MVB12B: variants seen among roughly 807,000 people sequenced by gnomAD.
MVB12B encodes the protein multivesicular body subunit 12B.
Under a neutral mutation model 41.6 loss-of-function variants are expected in MVB12B, and 16 were observed. That is an observed-to-expected ratio of 0.38 (90% CI 0.26 to 0.58). The LOEUF is 0.58. Among genes scored for constraint, MVB12B ranks in the 20% least tolerant of loss-of-function variants. MVB12B has a pLI of 0.62. For missense variants in MVB12B, 274 were observed against 380.2 expected (o/e 0.72, Z 2.32); for synonymous variants, 133 against 139.7 (o/e 0.95, Z 0.34).
intron 7 of MVB12B, among the ~76,000 whole-genome samples, chr9:126,446,073 A>C (rs1832758883): frequency 6.6e-6 from 1 of 152,164 alleles, no homozygotes; most frequent in Non-Finnish European, 1.5e-5. Flanking sequence ...AGTCTGATAT[A>C]GATTTGGGGG....
intron 6 of MVB12B, among the ~76,000 whole-genome samples, chr9:126,415,679 T>A (rs1194477188): frequency 6.6e-6 from 1 of 152,144 alleles, no homozygotes; most frequent in Non-Finnish European, 1.5e-5. Context: ...CAACAAGTAG[T>A]AGGTAATCTT....
intron 4 of MVB12B, among the ~76,000 whole-genome samples, chr9:126,390,276 TG>T: frequency 6.6e-6 from 1 of 152,350 alleles, no homozygotes; most frequent in Non-Finnish European, 1.5e-5. Flanking sequence ...TCATATGTGT[TG>T]GCACAGTGCA....
chr9:126,332,692 GCCCCTTTATGTGGCCCCA>G (rs1393766468), intron 1 of MVB12B, among the ~76,000 whole-genome samples: 17 of 137,718 alleles, frequency 1.2e-4, no homozygotes, highest in Non-Finnish European at 2.3e-4. Context: ...ATGTGCCCCT[GCCCCTTTATGTGGCCCCA>G]CCCCTTTATG....
At chr9:126,430,539 G>A (rs1832302795) in intron 7 of MVB12B, among the ~76,000 whole-genome samples, 1 of 151,908 alleles carries the variant, frequency 6.6e-6, no homozygotes, top group Non-Finnish European at 1.5e-5. Flanking sequence ...TGAGTGAGAG[G>A]GCAGAGACCA....
chr9:126,380,161 G>C (rs1212263880), intron 2 of MVB12B, among the ~76,000 whole-genome samples: 1 of 152,140 alleles, frequency 6.6e-6, no homozygotes, highest in African/African-American at 2.4e-5. Context: ...TCAGAGGGAG[G>C]CTGAGTCAGA....
At chr9:126,479,678 C>G (rs10987295) in intron 7 of MVB12B, among the ~76,000 whole-genome samples, 38,129 of 152,130 alleles carry the variant, frequency 0.25, 5,084 homozygotes, top group Non-Finnish European at 0.29. Flanking sequence ...GGCCTCTGAC[C>G]AGGAGTCTCT....
chr9:126,379,891 G>A (rs1480858048), intron 2 of MVB12B, among the ~76,000 whole-genome samples: 1 of 152,196 alleles, frequency 6.6e-6, no homozygotes. Flanking sequence ...GTCAGTGTGT[G>A]GGATGGGGCT....
rs1420490053 is a variant in MVB12B at position 126,481,394 on chromosome 9, T to A, written c.783T>A (p.Ile261=). 1.2e-6 allele frequency: 2 copies of A among 1,614,014 alleles called. No individual in the cohort carries two copies. Among genetic ancestry groups the A allele is most frequent in the African/African-American group, 1.3e-5 (1 of 75,048 alleles). The change falls in exon 8 of 10, where the codon ATT becomes ATA. Residue 261 remains isoleucine (I), a synonymous_variant. Transcript: ENST00000361171. ...CAATGGATGGTGTGCCTTTTATGAT[T>A]TCAGAGAAGTTTTCTTGTGTTCCAG... ...ISAMDGVPFM[I]SEKFSCVPES... is the part of the protein sequence containing the mutation.
chr9:126,387,346 A>T (rs557333725), intron 4 of MVB12B, among the ~76,000 whole-genome samples: 7 of 152,326 alleles, frequency 4.6e-5, no homozygotes, highest in Middle Eastern at 3.4e-3. Flanking sequence ...AGCCAACTTT[A>T]TGGTATTTAC....
At chr9:126,494,575 C>T (rs552495520) in intron 9 of MVB12B, among the ~76,000 whole-genome samples, 3 of 152,172 alleles carry the variant, frequency 2.0e-5, no homozygotes, top group Non-Finnish European at 4.4e-5. Flanking sequence ...TTCTTATGGT[C>T]TCTGGGAACT....
chr9:126,503,550 A>C lies in MVB12B; in HGVS notation c.*287A>C. The C allele has an allele frequency of 6.6e-6, 3 of 455,172 alleles. No homozygotes were observed. Among genetic ancestry groups the C allele is most frequent in the African/African-American group, 2.0e-5 (1 of 49,838 alleles). 28.2% of individuals were successfully genotyped at this position (455,172 alleles called of 1,614,324 possible). On this transcript the variant is annotated 3_prime_UTR_variant, in exon 10 of 10. Coordinates refer to ENST00000361171, the MANE Select transcript of MVB12B (RefSeq NM_033446.3). ...TGTGATGACCAGTTGTCCTCCAAAA[A>C]CCTCACTCACCACGGAGTCACCCTG...
At chr9:126,422,924 G>A (rs1043237228) in intron 7 of MVB12B, among the ~76,000 whole-genome samples, 1 of 152,288 alleles carries the variant, frequency 6.6e-6, no homozygotes, top group Middle Eastern at 3.4e-3. Context: ...TGCTGAGAAG[G>A]GGAGGAACAG....
At chr9:126,452,911 C>T (rs1378966964) in intron 7 of MVB12B, among the ~76,000 whole-genome samples, 1 of 152,000 alleles carries the variant, frequency 6.6e-6, no homozygotes, top group Non-Finnish European at 1.5e-5. Context: ...CTAGTTCTTT[C>T]TCAGAAATAA....
intron 2 of MVB12B, among the ~76,000 whole-genome samples, chr9:126,372,760 T>A (rs1369136458): frequency 6.6e-6 from 1 of 152,204 alleles, no homozygotes; most frequent in Non-Finnish European, 1.5e-5. Flanking sequence ...GGACTTGAAC[T>A]CGAATCTACC....
intron 2 of MVB12B, among the ~76,000 whole-genome samples, chr9:126,341,994 C>T (rs956884115): frequency 1.3e-5 from 2 of 152,222 alleles, no homozygotes; most frequent in African/African-American, 4.8e-5. Context: ...GTGAAGGAAA[C>T]TTTTCTGACA....
chr9:126,336,887 C>T (rs929072254), intron 1 of MVB12B, among the ~76,000 whole-genome samples: 1 of 152,112 alleles, frequency 6.6e-6, no homozygotes. Context: ...GCTGTATGCC[C>T]GCTTAGGGGA....
chr9:126,486,861 G>A lies in MVB12B; in HGVS notation c.873+2829G>A, dbSNP rs7851961. On this transcript the variant is annotated intron_variant, in intron 9 of 9. Coordinates refer to ENST00000361171, the MANE Select transcript of MVB12B (RefSeq NM_033446.3). This position sits in a 1 kb window ranked among gnomAD's most constrained non-coding sequence, Gnocchi z 4.7. ...GTGTCCTTCCAAGGGGGCTCTCTAG[G>A]CTGGTGGCCAGTCAGTCTAGTTCCT... Among the ~76,000 whole-genome samples the A allele has an allele frequency of 0.4, 60,692 of 151,930 alleles. 12,928 individuals carry two copies. The highest frequency in any genetic ancestry group is 0.71 in the East Asian group (3,618 of 5,128).
In MVB12B at chr9:126,501,903, T is replaced by C. The variant is rs561658001; in HGVS notation, c.874-1274T>C. ...GGCGTGGGCACCCCAGGGCCCTCCCTGGGGCTGGGTGCAGTGCTCCGCCTC... is the reference window on the plus strand; with the variant it reads ...GGCGTGGGCACCCCAGGGCCCTCCCCGGGGCTGGGTGCAGTGCTCCGCCTC... On this transcript the variant is annotated intron_variant, in intron 9 of 9. Transcript: ENST00000361171. Among the ~76,000 whole-genome samples the C allele has an allele frequency of 2.6e-5, 4 of 152,094 alleles. 1 individual carries two copies. The South Asian group carries it at 8.3e-4, about 32-fold the overall frequency.
rs1327184363 is a variant in MVB12B at position 126,386,442 on chromosome 9, AC to A, written c.313-118del. ...CATTAAGTGTCACCTACTCTAATTA[AC>A]CTGCTGTCATAAAGCTGCACGAGTC... is the stretch of plus-strand genomic sequence containing the variant. On this transcript the variant is annotated intron_variant, in intron 3 of 9. Coordinates refer to ENST00000361171, the MANE Select transcript of MVB12B (RefSeq NM_033446.3). This position sits in a 1 kb window ranked among gnomAD's most constrained non-coding sequence, Gnocchi z 4.3. The A allele has an allele frequency of 8.8e-5, 59 of 667,336 alleles. No individual in the cohort carries two copies. The highest frequency in any genetic ancestry group is 1.5e-4 in the Non-Finnish European group (56 of 371,400). 41.3% of individuals were successfully genotyped at this position (667,336 alleles called of 1,614,324 possible). A position where few individuals can be genotyped will look rare whatever the true frequency, so the allele number is the denominator to read the frequency against.
Sources: allele counts gnomAD v4.1 joint callset (sites outside exome capture counted in the v4.1 genomes callset), GRCh38; gene constraint gnomAD v4.1.1; non-coding constraint Gnocchi (gnomAD v3.1); transcripts MANE v1.5; gene names NCBI Gene and HGNC (gene_info 2026-07-23, HGNC 2026-07-21).